The following ZNF777 variants were observed in gnomAD, a reference collection of about 807,000 sequenced individuals.
The protein encoded by ZNF777 is zinc finger protein 777.
A neutral mutation model predicts 72.1 loss-of-function variants in ZNF777; 7 were observed. The ratio of observed to expected loss-of-function variants is 0.10; its 90% CI spans 0.06 to 0.18. The LOEUF is 0.18. Among genes scored for constraint, ZNF777 ranks in the 10% least tolerant of loss-of-function variants. ZNF777 has a pLI of 1.00. For missense variants in ZNF777, 828 were observed against 1,128.6 expected, an observed-to-expected ratio of 0.73 and a Z score of 3.82; for synonymous variants, 545 against 483.5, an observed-to-expected ratio of 1.13 and a Z score of -1.67.
intron 4 of ZNF777, among the ~76,000 whole-genome samples, chr7:149,447,974 C>T (rs970706732): frequency 6.6e-6 from 1 of 152,152 alleles, no homozygotes; most frequent in Non-Finnish European, 1.5e-5. Flanking sequence ...CCAAAGAGAT[C>T]TGATGAACTA....
chr7:149,456,253 T>C (rs896291437), intron 1 of ZNF777, among the ~76,000 whole-genome samples: 9 of 152,186 alleles, frequency 5.9e-5, no homozygotes, highest in African/African-American at 2.2e-4. Flanking sequence ...TTATGCTACC[T>C]TTTGTTTCTC....
At chr7:149,458,494 G>A (rs1023065395) in intron 1 of ZNF777, among the ~76,000 whole-genome samples, 1 of 124,100 alleles carries the variant, frequency 8.1e-6, no homozygotes, top group African/African-American at 3.0e-5. Flanking sequence ...AGGTTTAACT[G>A]AAACAATGAA....
At chr7:149,437,526 G>A (rs1027567536) in intron 4 of ZNF777, among the ~76,000 whole-genome samples, 1 of 152,114 alleles carries the variant, frequency 6.6e-6, no homozygotes, top group Non-Finnish European at 1.5e-5. Context: ...ATCCTGTTAC[G>A]CACTGCCCTG....
intron 4 of ZNF777, among the ~76,000 whole-genome samples, chr7:149,438,520 G>A (rs1799456971): frequency 6.6e-6 from 1 of 152,158 alleles, no homozygotes; most frequent in Non-Finnish European, 1.5e-5. Context: ...CAGACACTGA[G>A]CACCAACTAC....
chr7:149,455,126 C>T lies in ZNF777; in HGVS notation c.846+51G>A, dbSNP rs1799799459. 1 of 1,551,130 alleles carries T rather than the reference C, an allele frequency of 6.4e-7. No individual in the cohort carries two copies. The highest frequency in any genetic ancestry group is 2.0e-5 in the Admixed American group (1 of 49,330). On this transcript the variant is annotated intron_variant, in intron 2 of 5. Transcript: ENST00000247930. The surrounding 1 kb of genome is among the most constrained non-coding windows in gnomAD (Gnocchi z 4.2). The stretch of plus-strand genomic sequence containing the variant: ...CATATTACACTACATTCCTAAACCA[C>T]ACTCCAATTCAGATCACTTCCTTGG...
chr7:149,431,834 T>C lies in ZNF777; in HGVS notation c.2438A>G (p.Lys813Arg). The C allele has an allele frequency of 1.2e-6, 2 of 1,603,680 alleles. No individual in the cohort carries two copies. The highest frequency in any genetic ancestry group is 1.7e-6 in the Non-Finnish European group (2 of 1,179,198). The change falls in exon 6 of 6, where the codon AAG (lysine) becomes AGG (arginine). Residue 813 changes from lysine to arginine, a missense_variant. Around this residue, in one of 12 missense-constraint regions of ZNF777, gnomAD observed 17 missense variants for 36.1 expected, o/e 0.47. Transcript: ENST00000247930. ...GAGCGACTGCTTGTAGCGGAAGCAC[T>C]TGGCGCAGTGCGTGCAGGGGTAGGG... ...ERPYPCTHCA[K>R]CFRYKQSLKY...
At chr7:149,456,438 C>T (rs1015940466) in intron 1 of ZNF777, among the ~76,000 whole-genome samples, 7 of 152,182 alleles carry the variant, frequency 4.6e-5, no homozygotes, top group Admixed American at 6.5e-5. Flanking sequence ...TGTCCTGTGT[C>T]CTCATCCATA....
chr7:149,459,990 C>T, intron 1 of ZNF777: 1 of 939,142 alleles, frequency 1.1e-6, no homozygotes, highest in Non-Finnish European at 1.3e-6. Flanking sequence ...CAGGGCGCCC[C>T]CACCCCCCGC....
intron 4 of ZNF777, among the ~76,000 whole-genome samples, chr7:149,450,011 C>T (rs896215368): frequency 3.9e-5 from 6 of 152,162 alleles, no homozygotes; most frequent in Non-Finnish European, 5.9e-5. Context: ...CCCAAATCAA[C>T]GACATTAGTT....
intron 3 of ZNF777, among the ~76,000 whole-genome samples, 182 bp from the exon 4 acceptor site, chr7:149,451,294 T>G (rs74548541): frequency 0.012 from 1,823 of 151,940 alleles, 37 homozygotes; most frequent in African/African-American, 0.042. Context: ...TGTGGGTGTG[T>G]GTGTGTGGCG....
Position 149,431,402 on chromosome 7 carries a change from C to A in ZNF777, c.*374G>T. The A allele has an allele frequency of 2.5e-6, 1 of 400,496 alleles. No individual in the cohort carries two copies. Among genetic ancestry groups the A allele is most frequent in the Non-Finnish European group, 4.8e-6 (1 of 207,016 alleles). 24.8% of individuals were successfully genotyped at this position (400,496 alleles called of 1,614,324 possible). On this transcript the variant is annotated 3_prime_UTR_variant, in exon 6 of 6. Transcript: ENST00000247930. ...ACTCTATTATTATCAAATAGAACCACAGTATCCAAAAGGTAATTATAAAGT... is the reference window on the plus strand; with the variant it reads ...ACTCTATTATTATCAAATAGAACCAAAGTATCCAAAAGGTAATTATAAAGT...
At chr7:149,448,564 T>C (rs938719218) in intron 4 of ZNF777, among the ~76,000 whole-genome samples, 1 of 102,370 alleles carries the variant, frequency 9.8e-6, no homozygotes, top group Admixed American at 1.2e-4. Flanking sequence ...TATAGTTATA[T>C]AGTTATACAT....
In ZNF777 at chr7:149,436,721, A is replaced by C. The variant is rs1225148477; in HGVS notation, c.1193T>G (p.Phe398Cys). The change falls in exon 5 of 6, where the codon TTC (phenylalanine) becomes TGC (cysteine). Residue 398 changes from phenylalanine (F) to cysteine (C), a missense_variant. Transcript: ENST00000247930. The surrounding 1 kb of genome is among the most constrained non-coding windows in gnomAD (Gnocchi z 5.0). The stretch of plus-strand genomic sequence containing the variant: ...GGGGTCACCCAGCTCTGAGTCCTGG[A>C]AGCCGTGCTCTTCCACCTGTCCCAT... Reference protein sequence around the residue: ...PLMGQVEEHGFQDSELGDPCG... With the variant: ...PLMGQVEEHGCQDSELGDPCG... 1.2e-6 allele frequency: 2 copies of C among 1,614,130 alleles called. No homozygotes were observed. The highest frequency in any genetic ancestry group is 2.7e-5 in the African/African-American group (2 of 75,024).
intron 1 of ZNF777, among the ~76,000 whole-genome samples, chr7:149,456,969 T>C (rs1463368092): frequency 2.0e-5 from 3 of 152,142 alleles, no homozygotes; most frequent in African/African-American, 7.2e-5. Context: ...CAGCAGTCCA[T>C]TGCAGCAGGT....
At chr7:149,457,918 C>A (rs568990401) in intron 1 of ZNF777, among the ~76,000 whole-genome samples, 1 of 152,212 alleles carries the variant, frequency 6.6e-6, no homozygotes, top group Non-Finnish European at 1.5e-5. Context: ...CCCCAGGTCA[C>A]CCAGTGGTCT....
In ZNF777 at chr7:149,432,772, C is replaced by G. The variant is rs1416528495; in HGVS notation, c.1500G>C (p.Glu500Asp). 1 of 1,609,798 alleles carries G rather than the reference C, an allele frequency of 6.2e-7. No individual in the cohort carries two copies. Among genetic ancestry groups the G allele is most frequent in the African/African-American group, 1.3e-5 (1 of 74,764 alleles). Residue 500 changes from glutamate (E) to aspartate (D), a missense_variant, in exon 6 of 6, where the codon GAG becomes GAC. Glu to Asp is a conservative substitution (Grantham distance 45). Transcript: ENST00000247930. ...PLPGEMSPEG[E>D]ESPPPLQLGN... ...CTAGCTGCAGGGGCGGGGGGCTCTCCTCGCCCTCGGGGGACATCTCCCCGG... is the reference window on the plus strand; with the variant it reads ...CTAGCTGCAGGGGCGGGGGGCTCTCGTCGCCCTCGGGGGACATCTCCCCGG...
intron 4 of ZNF777, among the ~76,000 whole-genome samples, chr7:149,447,115 T>C (rs1799617018): frequency 6.6e-6 from 1 of 152,132 alleles, no homozygotes; most frequent in African/African-American, 2.4e-5. Context: ...CAGATGAAAA[T>C]CACCTTGGAA....
In ZNF777 at chr7:149,431,729, G is replaced by A. The variant is rs1032012635; in HGVS notation, c.*47C>T. 8.0e-5 allele frequency: 103 copies of A among 1,285,198 alleles called. No homozygotes were observed. Among genetic ancestry groups the A allele is most frequent in the Non-Finnish European group, 9.5e-5 (97 of 1,017,406 alleles). The allele number at this position is 1,285,198 out of a possible 1,614,324, so 79.6% of individuals were successfully genotyped here. A position where few individuals can be genotyped will look rare whatever the true frequency, so the allele number is the denominator to read the frequency against. On this transcript the variant is annotated 3_prime_UTR_variant, in exon 6 of 6. Transcript: ENST00000247930. ...CTCGGGCCTGGCGGTGTCCGAGGGG[G>A]GGCACGGCCCGCGCACCTGGCCGGG...
chr7:149,448,511 A>ATATATATATATATAT (rs1748359372), intron 4 of ZNF777, among the ~76,000 whole-genome samples: 1 of 89,166 alleles, frequency 1.1e-5, no homozygotes, highest in African/African-American at 6.1e-5. Flanking sequence ...ATATATATAT[A>ATATATATATATATAT]ACTATATATA....
Sources: gnomAD v4.1 joint callset for allele counts (sites outside exome capture counted in the v4.1 genomes callset) on GRCh38, gnomAD v4.1.1 for gene constraint, gnomAD v4.1.1 regional missense constraint, Gnocchi (gnomAD v3.1) non-coding constraint, MANE v1.5 for transcripts, NCBI Gene and HGNC (gene_info 2026-07-23, HGNC 2026-07-21) for gene names.